Variants in KIAA0319L observed in about 807,000 individuals in gnomAD.
The protein encoded by KIAA0319L is dyslexia-associated protein KIAA0319-like protein.
A neutral mutation model predicts 120.1 loss-of-function variants in KIAA0319L; 55 were observed. The observed-to-expected ratio is 0.46, with a 90% CI of 0.37 to 0.57. The LOEUF (loss-of-function observed/expected upper bound fraction) is 0.57. Ranked by LOEUF, KIAA0319L falls within the 20% of genes least tolerant of loss-of-function variation. The pLI is 0.00. For synonymous variants in KIAA0319L, 398 were observed against 471.9 expected (o/e 0.84, Z 2.03); for missense variants, 1,049 against 1,255.3 (o/e 0.84, Z 2.48).
chr1:35,537,883 A>T (rs1484869588), intron 2 of KIAA0319L, among the ~76,000 whole-genome samples: 1 of 152,170 alleles, frequency 6.6e-6, no homozygotes, highest in Non-Finnish European at 1.5e-5. Flanking sequence ...TAGGGCTCTT[A>T]TTCTCTAGAC....
intron 2 of KIAA0319L, among the ~76,000 whole-genome samples, chr1:35,538,996 CT>C (rs1646689831): frequency 6.6e-6 from 1 of 151,992 alleles, no homozygotes; most frequent in Non-Finnish European, 1.5e-5. Context: ...CAACATTTCT[CT>C]GCTGCTTCAA....
rs1044906056 is a variant in KIAA0319L, at chr1:35,456,286, A to T, written c.1428-45T>A. 9 of 1,273,186 alleles carry T rather than the reference A, an allele frequency of 7.1e-6. No homozygotes were observed. In the African/African-American group the frequency reaches 1.2e-4, roughly 17 times the overall value. 78.9% of individuals were successfully genotyped at this position (1,273,186 alleles called of 1,614,324 possible). On this transcript the variant is annotated intron_variant, in intron 9 of 20. Transcript: ENST00000325722. ...AGTGTGATCAGGGACGGGTTTAAGG[A>T]AAGAGGAATAAACACTAGAAGACTG...
In KIAA0319L at chr1:35,472,733, C is replaced by T. The variant is rs369672667; in HGVS notation, c.1016-1773G>A. ...GTTTGAAACCATCCATCTCACATAT[C>T]TAATAAAGGTGGAAGAACCTGGAGA... is the stretch of plus-strand genomic sequence containing the variant. On this transcript the variant is annotated intron_variant, in intron 5 of 20. Transcript: ENST00000325722. Among the ~76,000 whole-genome samples the T allele has an allele frequency of 6.6e-5, 10 of 151,810 alleles. No individual in the cohort carries two copies. In the East Asian group the frequency reaches 9.7e-4, roughly 15 times the overall value.
intron 2 of KIAA0319L, among the ~76,000 whole-genome samples, chr1:35,531,254 AC>A (rs1279851806): frequency 6.6e-6 from 1 of 152,030 alleles, no homozygotes; most frequent in Non-Finnish European, 1.5e-5. Context: ...GCACTTTGGC[AC>A]CCTTTGTCCT....
Position 35,437,324 on chromosome 1 carries a change from C to T in KIAA0319L, c.2963-2243G>A, listed in dbSNP as rs539285044. Among the ~76,000 whole-genome samples the T allele has an allele frequency of 2.6e-5, 4 of 152,252 alleles. No individual in the cohort carries two copies. The highest frequency in any genetic ancestry group is 7.2e-5 in the African/African-American group (3 of 41,550). Reference sequence around the variant, plus strand: ...CATGCTCCCTTTCTCTCCTCTCTTCCCTTCTCCCTCCTTCCTCCTCAGTCA... The same window carrying T: ...CATGCTCCCTTTCTCTCCTCTCTTCTCTTCTCCCTCCTTCCTCCTCAGTCA... On this transcript the variant is annotated intron_variant, in intron 20 of 20. Coordinates refer to ENST00000325722, the MANE Select transcript of KIAA0319L (RefSeq NM_024874.5). The surrounding 1 kb of genome is among the most constrained non-coding windows in gnomAD (Gnocchi z 4.1).
intron 3 of KIAA0319L, among the ~76,000 whole-genome samples, chr1:35,495,035 A>T (rs1260306930): frequency 6.6e-6 from 1 of 152,212 alleles, no homozygotes; most frequent in South Asian, 2.1e-4. Context: ...TAGCTCTCAC[A>T]ATGTACAAAA....
intron 2 of KIAA0319L, among the ~76,000 whole-genome samples, chr1:35,524,203 A>G (rs1646032768): frequency 6.6e-6 from 1 of 152,218 alleles, no homozygotes; most frequent in African/African-American, 2.4e-5. Context: ...CAAAGAAAAA[A>G]TAACAAAAAA....
chr1:35,517,925 T>C (rs1439956419), intron 2 of KIAA0319L, among the ~76,000 whole-genome samples: 1 of 152,094 alleles, frequency 6.6e-6, no homozygotes, highest in Non-Finnish European at 1.5e-5. Flanking sequence ...ACACACACTT[T>C]TCAAAAGAAG....
chr1:35,473,086 T>TTTTTTTC (rs1643732809), intron 5 of KIAA0319L, among the ~76,000 whole-genome samples: 4 of 139,416 alleles, frequency 2.9e-5, no homozygotes, highest in African/African-American at 1.1e-4. Context: ...CAGCCTTTTT[T>TTTTTTTC]TTTTTTTTTT....
intron 2 of KIAA0319L, among the ~76,000 whole-genome samples, chr1:35,545,489 A>C (rs1018896169): frequency 4.6e-5 from 7 of 152,232 alleles, no homozygotes; most frequent in African/African-American, 1.7e-4. Flanking sequence ...AGCACGAGAA[A>C]GGAGCTTATG....
intron 5 of KIAA0319L, among the ~76,000 whole-genome samples, chr1:35,474,079 C>T (rs1193878539): frequency 2.0e-5 from 3 of 152,070 alleles, no homozygotes; most frequent in Non-Finnish European, 4.4e-5. Context: ...TCACATTAGG[C>T]TTAGCTTTTT....
intron 2 of KIAA0319L, among the ~76,000 whole-genome samples, chr1:35,517,343 T>C (rs543025973): frequency 3.3e-5 from 5 of 150,276 alleles, no homozygotes; most frequent in East Asian, 1.9e-4. Context: ...CAAAACAGCA[T>C]GGTAATGGTA....
Position 35,501,977 on chromosome 1 carries a change from C to T in KIAA0319L, c.666+4635G>A, listed in dbSNP as rs113897659. On this transcript the variant is annotated intron_variant, in intron 3 of 20. Coordinates refer to ENST00000325722, the MANE Select transcript of KIAA0319L (RefSeq NM_024874.5). ...TACCTAGCTGTGTTGCCTGAGTTTC[C>T]TCATTTATAAAACAGGAACGGGCAG... is the stretch of plus-strand genomic sequence containing the variant. Among the ~76,000 whole-genome samples the T allele has an allele frequency of 1.7e-3, 250 of 151,472 alleles. 3 individuals carry two copies. The highest frequency in any genetic ancestry group is 5.4e-3 in the African/African-American group (222 of 41,280).
At chr1:35,448,578 A>G (rs939032461) in intron 15 of KIAA0319L, among the ~76,000 whole-genome samples, 1 of 152,206 alleles carries the variant, frequency 6.6e-6, no homozygotes, top group African/African-American at 2.4e-5. Flanking sequence ...AGGCTGAAGC[A>G]GTGATGCAAT....
intron 2 of KIAA0319L, among the ~76,000 whole-genome samples, chr1:35,544,013 T>C (rs1361914129): frequency 6.6e-6 from 1 of 152,106 alleles, no homozygotes; most frequent in African/African-American, 2.4e-5. Context: ...CTGGACAAAA[T>C]GCAGGCTGAC....
At chr1:35,542,678 G>A (rs1028572442) in intron 2 of KIAA0319L, among the ~76,000 whole-genome samples, 10 of 152,294 alleles carry the variant, frequency 6.6e-5, no homozygotes, top group Middle Eastern at 3.4e-3. Flanking sequence ...ATAAAAAAGT[G>A]TCCAAACACT....
intron 6 of KIAA0319L, 44 bp from the exon 7 acceptor site, chr1:35,466,739 G>T: frequency 7.8e-7 from 1 of 1,276,166 alleles, no homozygotes. Flanking sequence ...ACAAAGAGCA[G>T]GAATTACATT....
chr1:35,445,095 T>G (rs950847), intron 16 of KIAA0319L, among the ~76,000 whole-genome samples: 16,097 of 152,158 alleles, frequency 0.11, 2,018 homozygotes, highest in African/African-American at 0.29. Context: ...GATCCCCTCA[T>G]CATGCAGTGT....
intron 3 of KIAA0319L, among the ~76,000 whole-genome samples, chr1:35,497,913 A>T (rs1644872010): frequency 6.6e-6 from 1 of 152,248 alleles, no homozygotes; most frequent in African/African-American, 2.4e-5. Flanking sequence ...AGTTAGGCAG[A>T]CAGATTTTCA....
Sources: allele counts gnomAD v4.1 joint callset (sites outside exome capture counted in the v4.1 genomes callset), GRCh38; gene constraint gnomAD v4.1.1; non-coding constraint Gnocchi (gnomAD v3.1); transcripts MANE v1.5; gene names NCBI Gene and HGNC (gene_info 2026-07-23, HGNC 2026-07-21).